NAV1: variants seen among roughly 807,000 people sequenced by gnomAD.
NAV1 encodes the protein neuron navigator 1, also known as pore membrane and/or filament interacting like protein 3.
Under a neutral mutation model 175.2 loss-of-function variants are expected in NAV1, and 18 were observed. The observed-to-expected ratio is 0.10, with a 90% CI of 0.07 to 0.15. NAV1 has a LOEUF of 0.15. Ranked by LOEUF, NAV1 falls within the 10% of genes least tolerant of loss-of-function variation. The pLI is 1.00. For missense variants in NAV1, 1,731 were observed against 2,436.6 expected (o/e 0.71, Z 6.10); for synonymous variants, 897 against 978.7 (o/e 0.92, Z 1.56).
chr1:201,601,897 G>T (rs919376949), intron 2 of NAV1, among the ~76,000 whole-genome samples: 1 of 152,110 alleles, frequency 6.6e-6, no homozygotes, highest in Non-Finnish European at 1.5e-5. Flanking sequence ...ACTCCCTCAT[G>T]GCAGCCTCAG....
At chr1:201,643,327 C>CCTTCCCTCTCTTCTTTCTTTCTTT (rs1283782938), upstream of NAV1, among the ~76,000 whole-genome samples, 2 of 134,754 alleles carry the variant, frequency 1.5e-5, no homozygotes, top group Non-Finnish European at 3.2e-5. Flanking sequence ...TTCTTTCTTC[C>CCTTCCCTCTCTTCTTTCTTTCTTT]CTTCCCTCTC....
intron 1 of NAV1, among the ~76,000 whole-genome samples, chr1:201,571,004 C>T (rs1473300135): frequency 1.3e-5 from 2 of 152,268 alleles, no homozygotes; most frequent in Non-Finnish European, 2.9e-5. Flanking sequence ...CGCATCCACC[C>T]CTGCCAGGGT....
intron 1 of NAV1, among the ~76,000 whole-genome samples, chr1:201,697,250 G>A (rs1421086519): frequency 1.3e-5 from 2 of 152,154 alleles, no homozygotes; most frequent in African/African-American, 4.8e-5. Flanking sequence ...GGTCCCCAGT[G>A]GTGGGCAGTA....
chr1:201,807,738 T>C lies in NAV1; in HGVS notation c.3649-215T>C, dbSNP rs993470712. Among the ~76,000 whole-genome samples the C allele has an allele frequency of 6.6e-6, 1 of 152,166 alleles. No individual in the cohort carries two copies. The highest frequency in any genetic ancestry group is 1.5e-5 in the Non-Finnish European group (1 of 68,026). On this transcript the variant is annotated intron_variant, in intron 17 of 29. Transcript: ENST00000367296. This position sits in a 1 kb window ranked among gnomAD's most constrained non-coding sequence, Gnocchi z 5.4. ...GCCAGGCTGGAGTGCAGTGGCTCGA[T>C]CTCAGCTCACTGCAACCTCTGCCTC...
intron 1 of NAV1, among the ~76,000 whole-genome samples, chr1:201,657,008 G>A (rs979143601): frequency 1.1e-4 from 16 of 152,298 alleles, no homozygotes; most frequent in African/African-American, 3.4e-4. Context: ...CCTTCTCTCT[G>A]TAGGATCCCT....
Position 201,782,557 on chromosome 1 carries a change from T to G in NAV1, c.2045T>G (p.Met682Arg). The change falls in exon 6 of 30, where the codon ATG becomes AGG. Residue 682 changes from methionine (M) to arginine (R), a missense_variant. Around this residue, in one of 13 missense-constraint regions of NAV1, gnomAD observed 634 missense variants for 766.8 expected, o/e 0.83. Coordinates refer to ENST00000367296, the Ensembl canonical transcript of NAV1. The surrounding 1 kb of genome is among the most constrained non-coding windows in gnomAD (Gnocchi z 5.4). ...CCCCGGCCAGCCAAGTCAAGTTCTA[T>G]GAGCGTGACCGGCGGGCGGGGTGGA... is the stretch of plus-strand genomic sequence containing the variant. 6.2e-7 allele frequency: 1 copy of G among 1,612,178 alleles called. No individual in the cohort carries two copies. The highest frequency in any genetic ancestry group is 8.5e-7 in the Non-Finnish European group (1 of 1,178,416).
intron 1 of NAV1, among the ~76,000 whole-genome samples, chr1:201,587,809 G>A (rs1472832320): frequency 6.6e-6 from 1 of 152,184 alleles, no homozygotes. Flanking sequence ...ATATGCACAT[G>A]AAAATATGCT....
chr1:201,804,403 A>C, intron 16 of NAV1, 86 bp from the exon 21 acceptor site: 58 of 1,307,924 alleles, frequency 4.4e-5, no homozygotes, highest in Non-Finnish European at 5.7e-5. Flanking sequence ...GCAGACAGGT[A>C]CCAGCTGTGT....
At chr1:201,702,712 C>G (rs890363550) in intron 1 of NAV1, among the ~76,000 whole-genome samples, 2 of 151,740 alleles carry the variant, frequency 1.3e-5, no homozygotes, top group Admixed American at 6.6e-5. Context: ...CTCTCTCTCT[C>G]TCTCTCTCTC....
At chr1:201,559,182 G>A (rs1000727835) in intron 1 of NAV1, among the ~76,000 whole-genome samples, 8 of 152,162 alleles carry the variant, frequency 5.3e-5, no homozygotes, top group Admixed American at 4.6e-4. Context: ...TTGGCCTTCT[G>A]GAGCCCGTTT....
At chr1:201,708,440 GCACACA>G (rs3053753) in intron 1 of NAV1, among the ~76,000 whole-genome samples, 1 of 148,198 alleles carries the variant, frequency 6.7e-6, no homozygotes, top group Non-Finnish European at 1.5e-5. Flanking sequence ...CTACTTGCGC[GCACACA>G]CACACACACA....
At chr1:201,646,829 A>G (rs1489403383), upstream of NAV1, among the ~76,000 whole-genome samples, 1 of 152,232 alleles carries the variant, frequency 6.6e-6, no homozygotes, top group Non-Finnish European at 1.5e-5. Flanking sequence ...ACACAGTTCT[A>G]CACCCGGAGA....
Position 201,810,195 on chromosome 1 carries a change from AC to A in NAV1, c.4561+91del. 1 of 1,501,958 alleles carries A rather than the reference AC, an allele frequency of 6.7e-7. No individual in the cohort carries two copies. The highest frequency in any genetic ancestry group is 2.3e-5 in the East Asian group (1 of 44,020). The allele number at this position is 1,501,958 out of a possible 1,614,324, so 93.0% of individuals were successfully genotyped here. A position where few individuals can be genotyped will look rare whatever the true frequency, so the allele number is the denominator to read the frequency against. ...TCCATCATGCATTCATTCACCAAGA[AC>A]TCACTGAGAAGGTATAATATGAAGA... On this transcript the variant is annotated intron_variant, in intron 23 of 29. Transcript: ENST00000367296. This position sits in a 1 kb window ranked among gnomAD's most constrained non-coding sequence, Gnocchi z 6.0.
At chr1:201,690,255 G>T (rs1380316617) in intron 1 of NAV1, among the ~76,000 whole-genome samples, 3 of 115,198 alleles carry the variant, frequency 2.6e-5, no homozygotes, top group African/African-American at 9.0e-5. Context: ...GTCCGTGGCA[G>T]AGTATGTCTA....
intron 24 of NAV1, among the ~76,000 whole-genome samples, chr1:201,811,167 T>C (rs2102816637): frequency 6.6e-6 from 1 of 152,322 alleles, no homozygotes; most frequent in East Asian, 1.9e-4. Context: ...TTCTTTTCAG[T>C]ATTACTCTCT....
At chr1:201,748,541 A>G (rs1673910316) in intron 3 of NAV1, among the ~76,000 whole-genome samples, 1 of 152,218 alleles carries the variant, frequency 6.6e-6, no homozygotes, top group Non-Finnish European at 1.5e-5. Context: ...TCTGTCTGAG[A>G]AACTAGCCAT....
At chr1:201,803,922 C>A in intron 16 of NAV1, 1 of 618,744 alleles carries the variant, frequency 1.6e-6, no homozygotes, top group South Asian at 1.6e-5. Flanking sequence ...CCCCTCTGAC[C>A]TTTATATGCA....
At chr1:201,823,841 C>A (rs1200848580) in exon 30 of NAV1, 1 of 152,302 alleles carries the variant, frequency 6.6e-6, no homozygotes, top group Non-Finnish European at 1.5e-5. Context: ...AGAGGGATAA[C>A]CCCTTACAGT....
exon 1 of NAV1, chr1:201,649,091 G>A (rs972599298): frequency 3.7e-6 from 6 of 1,613,106 alleles, no homozygotes; most frequent in Admixed American, 1.7e-5. Context: ...CGCTGTCCAA[G>A]TCGGAGCACT....
Sources: gnomAD v4.1 joint callset for allele counts (sites outside exome capture counted in the v4.1 genomes callset) on GRCh38, gnomAD v4.1.1 for gene constraint, gnomAD v4.1.1 regional missense constraint, Gnocchi (gnomAD v3.1) non-coding constraint, MANE v1.5 for transcripts, NCBI Gene and HGNC (gene_info 2026-07-23, HGNC 2026-07-21) for gene names.